Variants in AVEN observed in about 807,000 individuals in gnomAD.
AVEN encodes cell death regulator Aven.
In AVEN, 41 loss-of-function variants were observed where a neutral mutation model predicts 38.1. The ratio of observed to expected loss-of-function variants is 1.08; its 90% CI spans 0.84 to 1.40. The LOEUF is 1.40. Among genes scored for constraint, AVEN ranks in the 40% most tolerant of loss-of-function variants. The pLI, the probability that AVEN is intolerant of heterozygous loss-of-function variation, is 0.00. For synonymous variants in AVEN, 206 were observed against 171.8 expected (o/e 1.20, Z -1.56); for missense variants, 605 against 438.8 (o/e 1.38, Z -3.38).
chr15:33,860,216 A>G (rs1312999967), intron 11 of AVEN, among the ~76,000 whole-genome samples: 5 of 152,236 alleles, frequency 3.3e-5, no homozygotes, highest in Non-Finnish European at 7.3e-5. Context: ...TTGAGGGCTA[A>G]GAAGTGAAGT....
chr15:33,984,317 C>T (rs1896324056), intron 2 of AVEN, among the ~76,000 whole-genome samples: 2 of 151,836 alleles, frequency 1.3e-5, no homozygotes, highest in African/African-American at 2.4e-5. Flanking sequence ...GTAATTGGAC[C>T]TTAATGTCAT....
At chr15:33,883,619 T>G (rs904447706) in intron 2 of AVEN, 1 of 152,178 alleles carries the variant, frequency 6.6e-6, no homozygotes, top group African/African-American at 2.4e-5. Flanking sequence ...AAATACTAAT[T>G]TATGCATAGA....
At chr15:34,000,188 C>G (rs951246402) in intron 2 of AVEN, among the ~76,000 whole-genome samples, 3 of 152,120 alleles carry the variant, frequency 2.0e-5, no homozygotes, top group Non-Finnish European at 4.4e-5. Context: ...GGTTAACAGC[C>G]CTTCCTCATT....
At chr15:33,881,441 G>A (rs1206028586) in intron 2 of AVEN, among the ~76,000 whole-genome samples, 1 of 152,098 alleles carries the variant, frequency 6.6e-6, no homozygotes, top group Non-Finnish European at 1.5e-5. Context: ...CACCCAGACT[G>A]GAGTGCAGTG....
intron 2 of AVEN, among the ~76,000 whole-genome samples, chr15:33,925,480 T>C (rs1187045881): frequency 6.6e-6 from 1 of 152,344 alleles, no homozygotes; most frequent in South Asian, 2.1e-4. Context: ...GCCAATAGTT[T>C]CCCTGGTGCT....
intron 2 of AVEN, among the ~76,000 whole-genome samples, chr15:33,891,277 C>T (rs1048328124): frequency 1.3e-5 from 2 of 152,100 alleles, no homozygotes; most frequent in Non-Finnish European, 2.9e-5. Context: ...CACATGTGCA[C>T]AACGTGCAGG....
intron 1 of AVEN, among the ~76,000 whole-genome samples, chr15:34,073,512 CTTTTTTCTTTTTTTTT>C (rs1900672056): frequency 8.6e-6 from 1 of 116,188 alleles, no homozygotes; most frequent in African/African-American, 3.2e-5. Context: ...CTTTTCTTTT[CTTTTTTCTTTTTTTTT>C]TTTTTTTTTG....
chr15:33,932,838 C>CAAATAAAT (rs542804184), intron 2 of AVEN, among the ~76,000 whole-genome samples: 9,226 of 147,022 alleles, frequency 0.063, 696 homozygotes, highest in African/African-American at 0.18. Context: ...AATAAACAAA[C>CAAATAAAT]AAATAAATAA....
At chr15:33,878,741 T>C (rs1891357850) in intron 2 of AVEN, among the ~76,000 whole-genome samples, 2 of 152,122 alleles carry the variant, frequency 1.3e-5, no homozygotes, top group Admixed American at 1.3e-4. Flanking sequence ...GTGTATTAGA[T>C]ACAAAGAACA....
intron 2 of AVEN, among the ~76,000 whole-genome samples, chr15:34,001,922 GTAT>G (rs754196455): frequency 2.0e-5 from 3 of 152,078 alleles, no homozygotes; most frequent in Non-Finnish European, 4.4e-5. Flanking sequence ...CAGTCCCAAA[GTAT>G]TATTTTTGTT....
chr15:33,868,359 TAAAC>T (rs113504638), intron 4 of AVEN, among the ~76,000 whole-genome samples: 4,455 of 150,946 alleles, frequency 0.03, 200 homozygotes, highest in African/African-American at 0.099. Flanking sequence ...CTGTCTCTAC[TAAAC>T]AAACAAACAA....
chr15:33,982,999 G>A lies in AVEN; in HGVS notation c.445+20033C>T, dbSNP rs536377216. ...TTTTGAAAGACTGCACCTCTTAACT[G>A]CATGGACCATGACTGTCTCTTGCAC... On this transcript the variant is annotated intron_variant, in intron 2 of 5. Coordinates refer to ENST00000306730, the MANE Select transcript of AVEN (RefSeq NM_020371.3). Among the ~76,000 whole-genome samples, 166 of 146,608 alleles carry A rather than the reference G, an allele frequency of 1.1e-3. 1 individual carries two copies. The highest frequency in any genetic ancestry group is 4.2e-3 in the African/African-American group (163 of 38,368).
chr15:33,962,937 A>C (rs1336468253), intron 2 of AVEN, among the ~76,000 whole-genome samples: 1 of 23,858 alleles, frequency 4.2e-5, no homozygotes, highest in South Asian at 7.6e-3. Flanking sequence ...AAAAAAAAAA[A>C]AAAAAAAAAA....
intron 4 of AVEN, among the ~76,000 whole-genome samples, chr15:33,870,579 G>C (rs1359649614): frequency 6.6e-6 from 1 of 152,100 alleles, no homozygotes; most frequent in Non-Finnish European, 1.5e-5. Flanking sequence ...CTTCCCAATA[G>C]ATTAAGTTCC....
downstream of AVEN, among the ~76,000 whole-genome samples, chr15:33,864,486 TG>T (rs1889746801): frequency 6.6e-6 from 1 of 151,280 alleles, no homozygotes. Context: ...AGAAATGGAG[TG>T]GGTGGCTGCA....
downstream of AVEN, among the ~76,000 whole-genome samples, chr15:33,862,712 G>GTGAT (rs150306937): frequency 0.051 from 7,722 of 152,054 alleles, 451 homozygotes; most frequent in East Asian, 0.36. Context: ...CTGGATTCAA[G>GTGAT]TGATTCTCCT....
chr15:33,882,361 T>C (rs1371921038), intron 2 of AVEN, among the ~76,000 whole-genome samples: 1 of 152,132 alleles, frequency 6.6e-6, no homozygotes, highest in Admixed American at 6.5e-5. Context: ...TTTCCTTACA[T>C]GATAAAAAGC....
chr15:34,059,756 G>A lies in AVEN; in HGVS notation n.1637+3166C>T, dbSNP rs561307303. 2.0e-3 allele frequency among the ~76,000 whole-genome samples: 312 copies of A among 152,198 alleles called. 3 individuals carry two copies. The highest frequency in any genetic ancestry group is 2.5e-3 in the Non-Finnish European group (171 of 68,028). The stretch of plus-strand genomic sequence containing the variant: ...TTGGTGACTTCATTCTTCAAGTCTC[G>A]ACTCTTAGGTCTCTTCCTCAGGAAG... On this transcript the variant is annotated intron_variant and non_coding_transcript_variant, in intron 5 of 11. Transcript: ENST00000675287.
intron 2 of AVEN, among the ~76,000 whole-genome samples, chr15:33,985,116 G>C (rs549464768): frequency 2.0e-5 from 3 of 152,118 alleles, no homozygotes; most frequent in Admixed American, 2.0e-4. Context: ...CCTCACAAGA[G>C]ATATTTGCCA....
Sources: gnomAD v4.1 joint callset for allele counts (sites outside exome capture counted in the v4.1 genomes callset) on GRCh38, gnomAD v4.1.1 for gene constraint, MANE v1.5 for transcripts, NCBI Gene and HGNC (gene_info 2026-07-23, HGNC 2026-07-21) for gene names.